The following DYNC2I2 variants were observed in gnomAD, a reference collection of about 807,000 sequenced individuals.
DYNC2I2 encodes the protein dynein 2 intermediate chain 2.
A neutral mutation model predicts 52.0 loss-of-function variants in DYNC2I2; 39 were observed. The ratio of observed to expected loss-of-function variants is 0.75; its 90% CI spans 0.58 to 0.98. DYNC2I2 has a LOEUF of 0.98. DYNC2I2 is among the 50% of genes least tolerant of loss of function. The probability of loss-of-function intolerance (pLI) is 0.00; values close to 1 mark genes in which losing one functional copy is unlikely to be tolerated. For synonymous variants in DYNC2I2, 359 were observed against 321.1 expected (o/e 1.12, Z -1.26); for missense variants, 743 against 728.4 (o/e 1.02, Z -0.23).
chr9:128,659,054 A>G (rs930332587), upstream of DYNC2I2, among the ~76,000 whole-genome samples: 2 of 151,690 alleles, frequency 1.3e-5, no homozygotes, highest in African/African-American at 4.8e-5. Flanking sequence ...TGAAAACACA[A>G]TTCAATCCCT....
At chr9:128,653,167 T>G (rs1328060922) in intron 1 of DYNC2I2, among the ~76,000 whole-genome samples, 1 of 150,812 alleles carries the variant, frequency 6.6e-6, no homozygotes, top group Non-Finnish European at 1.5e-5. Flanking sequence ...AGGCGGAGGT[T>G]GCAGTGAGCT....
chr9:128,635,029 C>T, intron 6 of DYNC2I2, 63 bp downstream of exon 6: 1 of 1,583,678 alleles, frequency 6.3e-7, no homozygotes, highest in Non-Finnish European at 8.6e-7. Context: ...GGCCCACTGC[C>T]ACACCTTCCC....
chr9:128,642,754 C>T (rs1175463286), intron 1 of DYNC2I2, among the ~76,000 whole-genome samples: 1 of 145,858 alleles, frequency 6.9e-6, no homozygotes, highest in Non-Finnish European at 1.5e-5. Flanking sequence ...GACTCCATTT[C>T]AAAAAAAAAA....
At position 128,656,675 on chromosome 9, in the gene DYNC2I2, C is replaced by G. The variant is rs1212708104; in HGVS notation, c.52G>C (p.Val18Leu). The change falls in exon 1 of 9, where the codon GTT (valine) becomes CTT (leucine). Residue 18 changes from valine to leucine, a missense_variant. Transcript: ENST00000372715. ...GPLSQAGSAG[V>L]AALATVGVAS... ...ACCCCGACTGTCGCCAGCGCCGCAA[C>G]ACCAGCGCTTCCCGCCTGGCTGAGT... The G allele has an allele frequency of 1.3e-6, 2 of 1,504,682 alleles. No homozygotes were observed. The highest frequency in any genetic ancestry group is 2.5e-5 in the South Asian group (2 of 79,342). 93.2% of individuals were successfully genotyped at this position (1,504,682 alleles called of 1,614,324 possible).
At chr9:128,668,231 T>A in the DYNC2I2 span, among the ~76,000 whole-genome samples, 1 of 143,320 alleles carries the variant, frequency 7.0e-6, no homozygotes, top group Non-Finnish European at 1.5e-5. Context: ...AGTGCTGGGA[T>A]TACAGGCGTG....
chr9:128,671,861 G>A, the DYNC2I2 span, among the ~76,000 whole-genome samples: 1 of 151,466 alleles, frequency 6.6e-6, no homozygotes, highest in African/African-American at 2.4e-5. Flanking sequence ...CACCGTGTTA[G>A]CCAGGATGGT....
chr9:128,664,093 G>A, the DYNC2I2 span, among the ~76,000 whole-genome samples: 1 of 151,752 alleles, frequency 6.6e-6, no homozygotes, highest in Admixed American at 6.6e-5. Flanking sequence ...GAATAGCTGG[G>A]ATTACAGGTG....
intron 1 of DYNC2I2, among the ~76,000 whole-genome samples, chr9:128,648,855 G>A (rs922973665): frequency 2.1e-4 from 32 of 151,502 alleles, no homozygotes; most frequent in Admixed American, 9.2e-4. Context: ...AGCCAGTCCA[G>A]AAGAGGCACT....
At chr9:128,640,505 G>A (rs1014943957) in intron 2 of DYNC2I2, among the ~76,000 whole-genome samples, 186 bp downstream of exon 2, 1 of 152,192 alleles carries the variant, frequency 6.6e-6, no homozygotes, top group Non-Finnish European at 1.5e-5. Context: ...CCGACCTCAA[G>A]GTCAGCAGTG....
intron 1 of DYNC2I2, among the ~76,000 whole-genome samples, chr9:128,647,292 C>T (rs1460265261): frequency 6.6e-6 from 1 of 152,166 alleles, no homozygotes; most frequent in Non-Finnish European, 1.5e-5. Context: ...CAGTGTGTGA[C>T]TAGCAAGAGG....
the DYNC2I2 span, among the ~76,000 whole-genome samples, chr9:128,662,239 A>G: frequency 6.6e-6 from 1 of 151,518 alleles, no homozygotes; most frequent in Non-Finnish European, 1.5e-5. Flanking sequence ...TCTTGGGGAA[A>G]AAAAAAAAGA....
the DYNC2I2 span, among the ~76,000 whole-genome samples, chr9:128,679,750 G>T: frequency 6.6e-6 from 1 of 150,826 alleles, no homozygotes; most frequent in African/African-American, 2.4e-5. Flanking sequence ...GGTTTCCAGT[G>T]ATTCTCCTGT....
chr9:128,634,181 C>A (rs1006640395), intron 8 of DYNC2I2, 45 bp downstream of exon 8: 3 of 1,609,242 alleles, frequency 1.9e-6, no homozygotes, highest in South Asian at 2.2e-5. Context: ...AGGGCCCAGA[C>A]CACCCACCCC....
In DYNC2I2 at chr9:128,635,201, G is replaced by C. The variant is rs769140025; in HGVS notation, c.872C>G (p.Thr291Ser). The C allele has an allele frequency of 6.2e-7, 1 of 1,613,272 alleles. No individual in the cohort carries two copies. The highest frequency in any genetic ancestry group is 1.1e-5 in the South Asian group (1 of 91,076). The change falls in exon 6 of 9, where the codon ACC becomes AGC. Residue 291 changes from threonine to serine, a missense_variant. Thr to Ser is a moderately conservative substitution (Grantham distance 58). Coordinates refer to ENST00000372715, the MANE Select transcript of DYNC2I2 (RefSeq NM_052844.4). ...CTGCCAGAGTAGCACCTTCCCGTCGGTGGCCACACTCAGCACCTGGAAGCG... is the reference window on the plus strand; with the variant it reads ...CTGCCAGAGTAGCACCTTCCCGTCGCTGGCCACACTCAGCACCTGGAAGCG... ...SHRFQVLSVA[T>S]DGKVLLWQGI... is the part of the protein sequence containing the mutation.
chr9:128,643,622 G>A (rs1860559391), intron 1 of DYNC2I2, among the ~76,000 whole-genome samples: 2 of 152,134 alleles, frequency 1.3e-5, no homozygotes, highest in African/African-American at 4.8e-5. Flanking sequence ...AGTCCAGGAA[G>A]TGGAGGCTGC....
intron 1 of DYNC2I2, among the ~76,000 whole-genome samples, chr9:128,656,272 C>T (rs533554542): frequency 2.0e-5 from 3 of 152,080 alleles, no homozygotes; most frequent in Admixed American, 1.3e-4. Flanking sequence ...CTACAGTTCA[C>T]ACAAAATCCT....
intron 1 of DYNC2I2, among the ~76,000 whole-genome samples, chr9:128,642,046 G>GGGAGGC (rs1860523525): frequency 6.6e-6 from 1 of 151,834 alleles, no homozygotes; most frequent in Admixed American, 6.6e-5. Context: ...CCAGAATTTT[G>GGGAGGC]GGAGGCCGAG....
chr9:128,681,721 T>G, the DYNC2I2 span, among the ~76,000 whole-genome samples: 1 of 152,184 alleles, frequency 6.6e-6, no homozygotes, highest in East Asian at 1.9e-4. Flanking sequence ...CTCATTTTTA[T>G]GCCCTAACAG....
chr9:128,664,348 T>C, the DYNC2I2 span, among the ~76,000 whole-genome samples: 1 of 152,140 alleles, frequency 6.6e-6, no homozygotes, highest in Non-Finnish European at 1.5e-5. Flanking sequence ...TATTACCTTA[T>C]TTTGTGTATT....
Sources: allele counts gnomAD v4.1 joint callset (sites outside exome capture counted in the v4.1 genomes callset), GRCh38; gene constraint gnomAD v4.1.1; transcripts MANE v1.5; gene names NCBI Gene and HGNC (gene_info 2026-07-23, HGNC 2026-07-21).